IQCJ: variants seen among roughly 807,000 people sequenced by gnomAD.
IQCJ encodes IQ domain-containing protein J.
In IQCJ, 9 loss-of-function variants were observed where a neutral mutation model predicts 11.0. That is an observed-to-expected ratio of 0.82 (90% CI 0.49 to 1.43). The LOEUF (loss-of-function observed/expected upper bound fraction) is 1.43, where lower values mean the gene tolerates loss of function less well. IQCJ is among the 40% of genes most tolerant of loss of function. The pLI, the probability that IQCJ is intolerant of heterozygous loss-of-function variation, is 0.00. For missense variants in IQCJ, 146 were observed against 133.2 expected (o/e 1.10, Z -0.47); for synonymous variants, 55 against 51.3 (o/e 1.07, Z -0.31).
intron 1 of IQCJ, among the ~76,000 whole-genome samples, chr3:159,111,490 TGAA>T (rs1718630518): frequency 6.6e-6 from 1 of 152,200 alleles, no homozygotes; most frequent in Non-Finnish European, 1.5e-5. Flanking sequence ...GGGAGAATCT[TGAA>T]GGTTAGGGCT....
At chr3:159,247,416 A>G (rs550893360) in intron 2 of IQCJ, among the ~76,000 whole-genome samples, 1 of 152,272 alleles carries the variant, frequency 6.6e-6, no homozygotes, top group Non-Finnish European at 1.5e-5. Flanking sequence ...GTTCTATGTG[A>G]CATGGGATCC....
intron 1 of IQCJ, among the ~76,000 whole-genome samples, chr3:159,186,069 G>A (rs920010284): frequency 1.3e-5 from 2 of 152,196 alleles, no homozygotes; most frequent in African/African-American, 4.8e-5. Flanking sequence ...AGGGCAGGGC[G>A]ATAGGGACTA....
At chr3:159,216,546 A>G (rs1444996460) in intron 1 of IQCJ, among the ~76,000 whole-genome samples, 1 of 152,142 alleles carries the variant, frequency 6.6e-6, no homozygotes, top group Admixed American at 6.5e-5. Context: ...TGTACCCTGC[A>G]GGATTCTCAT....
At chr3:159,231,559 A>G (rs1726250956) in intron 1 of IQCJ, among the ~76,000 whole-genome samples, 1 of 152,144 alleles carries the variant, frequency 6.6e-6, no homozygotes, top group African/African-American at 2.4e-5. Flanking sequence ...TTTTTGCATC[A>G]ATGTTCATCA....
intron 1 of IQCJ, among the ~76,000 whole-genome samples, chr3:159,129,565 G>T (rs1266994616): frequency 2.0e-5 from 3 of 152,146 alleles, no homozygotes; most frequent in African/African-American, 7.2e-5. Context: ...GTAATAGAGG[G>T]GAAAGAGTTG....
intron 1 of IQCJ, among the ~76,000 whole-genome samples, chr3:159,194,929 A>T (rs1032275834): frequency 1.3e-5 from 2 of 151,988 alleles, no homozygotes; most frequent in African/African-American, 4.8e-5. Flanking sequence ...TGGCCAACAT[A>T]GTGAAACCCC....
At chr3:159,182,831 T>G (rs1489478952) in intron 1 of IQCJ, among the ~76,000 whole-genome samples, 1 of 151,754 alleles carries the variant, frequency 6.6e-6, no homozygotes, top group Non-Finnish European at 1.5e-5. Flanking sequence ...ATAGATAACA[T>G]AACCGATTAG....
intron 1 of IQCJ, among the ~76,000 whole-genome samples, chr3:159,113,429 A>G (rs1415431713): frequency 6.6e-6 from 1 of 152,122 alleles, no homozygotes; most frequent in Non-Finnish European, 1.5e-5. Flanking sequence ...TGTATTTAGG[A>G]GGAGGAAAAG....
At chr3:159,156,378 A>T (rs1721522399) in intron 1 of IQCJ, among the ~76,000 whole-genome samples, 1 of 152,192 alleles carries the variant, frequency 6.6e-6, no homozygotes, top group Admixed American at 6.5e-5. Context: ...TTAGAAGGCC[A>T]TGTATGACTC....
At chr3:159,148,866 GC>G (rs1282894931) in intron 1 of IQCJ, among the ~76,000 whole-genome samples, 1 of 152,094 alleles carries the variant, frequency 6.6e-6, no homozygotes, top group Non-Finnish European at 1.5e-5. Flanking sequence ...CAAATGTGCC[GC>G]ATCCACTCCT....
Position 159,080,115 on chromosome 3 carries a change from A to G in IQCJ, c.9+10674A>G, listed in dbSNP as rs776008114. Reference sequence around the variant, plus strand: ...AGATTTCTTGCTGACACCAACTCCTACTTTTGTTTTTATAATCCAAACACA... The same window carrying G: ...AGATTTCTTGCTGACACCAACTCCTGCTTTTGTTTTTATAATCCAAACACA... On this transcript the variant is annotated intron_variant, in intron 1 of 3. Coordinates refer to ENST00000397832, the MANE Select transcript of IQCJ (RefSeq NM_001042706.3). Among the ~76,000 whole-genome samples the G allele has an allele frequency of 7.8e-4, 118 of 151,778 alleles. 2 individuals carry two copies. The highest frequency in any genetic ancestry group is 4.6e-4 in the Admixed American group (7 of 15,268).
chr3:159,090,085 A>C (rs369810421), intron 1 of IQCJ, among the ~76,000 whole-genome samples: 20 of 151,628 alleles, frequency 1.3e-4, no homozygotes, highest in Middle Eastern at 6.8e-3. Context: ...TGGTGATGTA[A>C]AGATGGGTTT....
At chr3:159,128,272 A>G (rs928947625) in intron 1 of IQCJ, among the ~76,000 whole-genome samples, 3 of 152,184 alleles carry the variant, frequency 2.0e-5, no homozygotes, top group Non-Finnish European at 4.4e-5. Context: ...AGTACGTTCT[A>G]GGGCTGAAAG....
At chr3:159,130,542 A>T (rs1203368069) in intron 1 of IQCJ, among the ~76,000 whole-genome samples, 1 of 152,228 alleles carries the variant, frequency 6.6e-6, no homozygotes, top group African/African-American at 2.4e-5. Context: ...CTCATCTGTA[A>T]AATGAGGATG....
At chr3:159,154,152 C>T (rs1721382995) in intron 1 of IQCJ, among the ~76,000 whole-genome samples, 1 of 152,266 alleles carries the variant, frequency 6.6e-6, no homozygotes, top group East Asian at 1.9e-4. Flanking sequence ...TTTATGTGGG[C>T]AAAACAATTG....
Position 159,101,555 on chromosome 3 carries a change from C to T in IQCJ, c.9+32114C>T, listed in dbSNP as rs992012926. ...ATCATCCCCATGTGTTTCATTATAA[C>T]GGCAACCTTCTTTGTTCATTGACAT... On this transcript the variant is annotated intron_variant, in intron 1 of 3. Transcript: ENST00000397832. Among the ~76,000 whole-genome samples, 12 of 152,190 alleles carry T rather than the reference C, an allele frequency of 7.9e-5. 1 individual carries two copies. Among genetic ancestry groups the T allele is most frequent in the South Asian group, 6.2e-4 (3 of 4,834 alleles).
intron 1 of IQCJ, among the ~76,000 whole-genome samples, chr3:159,123,329 C>A (rs13060950): frequency 6.6e-6 from 1 of 152,246 alleles, no homozygotes; most frequent in East Asian, 1.9e-4. Context: ...TCAGACCCTG[C>A]TACAGTCATG....
rs182955479 is a variant in IQCJ at position 159,242,460 on chromosome 3, G to A, written c.10-3383G>A. On this transcript the variant is annotated intron_variant, in intron 1 of 3. Transcript: ENST00000397832. ...TCTATTTTATTATCTTTAATGTGTGGTTTTCCTCCTTATAGGCACAATGGC... is the reference window on the plus strand; with the variant it reads ...TCTATTTTATTATCTTTAATGTGTGATTTTCCTCCTTATAGGCACAATGGC... Among the ~76,000 whole-genome samples the A allele has an allele frequency of 9.9e-5, 15 of 151,860 alleles. No homozygotes were observed. The East Asian group carries it at 1.9e-3, about 20-fold the overall frequency.
intron 1 of IQCJ, among the ~76,000 whole-genome samples, chr3:159,230,030 T>A (rs1726152870): frequency 6.6e-6 from 1 of 150,652 alleles, no homozygotes; most frequent in African/African-American, 2.5e-5. Context: ...TTTCATCCCA[T>A]GTCCTTCTCC....
Sources: allele counts gnomAD v4.1 joint callset (sites outside exome capture counted in the v4.1 genomes callset), GRCh38; gene constraint gnomAD v4.1.1; transcripts MANE v1.5; gene names NCBI Gene and HGNC (gene_info 2026-07-23, HGNC 2026-07-21).